The following RALYL variants were observed in gnomAD, a reference collection of about 807,000 sequenced individuals.
The protein encoded by RALYL is RNA-binding Raly-like protein.
In RALYL, 29 loss-of-function variants were observed where a neutral mutation model predicts 35.1. The observed-to-expected ratio is 0.83, with a 90% CI of 0.61 to 1.13. RALYL has a LOEUF of 1.13. RALYL is among the 50% of genes most tolerant of loss of function. The pLI, the probability that RALYL is intolerant of heterozygous loss-of-function variation, is 0.00. For missense variants in RALYL, 359 were observed against 360.4 expected (o/e 1.00, Z 0.03); for synonymous variants, 120 against 127.6 (o/e 0.94, Z 0.40).
chr8:84,902,425 A>C lies in RALYL; in HGVS notation c.858+14649A>C, dbSNP rs554970070. ...ATCCAATCATCTCCCACCAGATCCC[A>C]CCTCCATTACTGGGGATTACAATTC... On this transcript the variant is annotated intron_variant, in intron 8 of 8. Coordinates refer to ENST00000521268, the MANE Select transcript of RALYL (RefSeq NM_173848.7). Among the ~76,000 whole-genome samples the C allele has an allele frequency of 2.0e-5, 3 of 152,214 alleles. No homozygotes were observed. In the East Asian group the frequency reaches 5.8e-4, roughly 29 times the overall value.
At chr8:84,912,559 T>C (rs943802790) in intron 8 of RALYL, among the ~76,000 whole-genome samples, 1 of 152,198 alleles carries the variant, frequency 6.6e-6, no homozygotes, top group Admixed American at 6.6e-5. Context: ...CTTGCTGATA[T>C]TGTTAGCAGA....
upstream of RALYL, chr8:84,183,134 G>A (rs944079525): frequency 6.3e-6 from 1 of 159,690 alleles, no homozygotes; most frequent in Non-Finnish European, 1.4e-5. Context: ...AATCGCGGCA[G>A]CAGCGGCAGA....
chr8:84,798,672 T>TAA (rs1453065195), intron 3 of RALYL, among the ~76,000 whole-genome samples: 1 of 152,216 alleles, frequency 6.6e-6, no homozygotes, highest in African/African-American at 2.4e-5. Flanking sequence ...CAGATAATGG[T>TAA]AAGTAGTATC....
intron 8 of RALYL, among the ~76,000 whole-genome samples, chr8:84,920,684 G>A (rs1007090334): frequency 2.0e-5 from 3 of 151,798 alleles, no homozygotes; most frequent in South Asian, 4.2e-4. Flanking sequence ...AAAAAAAATC[G>A]TAACATTCCA....
At chr8:84,826,719 C>T (rs1194071856) in intron 4 of RALYL, among the ~76,000 whole-genome samples, 3 of 151,498 alleles carry the variant, frequency 2.0e-5, no homozygotes, top group Non-Finnish European at 2.9e-5. Flanking sequence ...CCCACATGTA[C>T]ATCTACACAC....
intron 1 of RALYL, among the ~76,000 whole-genome samples, chr8:84,400,484 G>A (rs999825933): frequency 2.6e-5 from 4 of 152,130 alleles, no homozygotes; most frequent in Non-Finnish European, 5.9e-5. Flanking sequence ...GTTCTGAAGA[G>A]GGCACATTAA....
intron 2 of RALYL, among the ~76,000 whole-genome samples, chr8:84,535,399 C>G (rs529294150): frequency 5.3e-5 from 8 of 150,696 alleles, no homozygotes; most frequent in African/African-American, 7.3e-5. Flanking sequence ...GTTTGTGGAG[C>G]CTGTCCTGTG....
chr8:84,654,899 C>T (rs1195337243), intron 2 of RALYL, among the ~76,000 whole-genome samples: 1 of 152,036 alleles, frequency 6.6e-6, no homozygotes, highest in Non-Finnish European at 1.5e-5. Context: ...CAAGAGAATA[C>T]AGCTATCTCT....
intron 1 of RALYL, among the ~76,000 whole-genome samples, chr8:84,263,217 T>C (rs1832644561): frequency 6.6e-6 from 1 of 152,214 alleles, no homozygotes; most frequent in African/African-American, 2.4e-5. Flanking sequence ...AAATGCTTTC[T>C]TTGATACTAA....
chr8:84,438,479 C>T (rs2047974408), intron 1 of RALYL, among the ~76,000 whole-genome samples: 1 of 152,156 alleles, frequency 6.6e-6, no homozygotes, highest in Non-Finnish European at 1.5e-5. Flanking sequence ...ACCTCCACCT[C>T]CTGGGCTCAA....
chr8:84,775,326 A>T (rs565700481), intron 3 of RALYL, among the ~76,000 whole-genome samples: 1 of 152,262 alleles, frequency 6.6e-6, no homozygotes, highest in South Asian at 2.1e-4. Context: ...TAATTTTCAC[A>T]AGACTCTTGC....
At chr8:84,212,009 A>G (rs1165428460) in intron 1 of RALYL, among the ~76,000 whole-genome samples, 1 of 152,204 alleles carries the variant, frequency 6.6e-6, no homozygotes, top group Non-Finnish European at 1.5e-5. Flanking sequence ...CCAAGGTCAC[A>G]GAACAGAAAA....
intron 1 of RALYL, among the ~76,000 whole-genome samples, chr8:84,442,161 C>T (rs984454420): frequency 6.6e-6 from 1 of 151,986 alleles, no homozygotes; most frequent in East Asian, 1.9e-4. Context: ...ATGTGGTTTT[C>T]CTTTTCTATC....
chr8:84,394,253 C>G (rs184955893), intron 1 of RALYL, among the ~76,000 whole-genome samples: 74 of 152,140 alleles, frequency 4.9e-4, no homozygotes, highest in African/African-American at 1.7e-3. Flanking sequence ...TTGTTCCATG[C>G]AAAAGGAATC....
chr8:84,364,896 A>G (rs1212966785), intron 1 of RALYL, among the ~76,000 whole-genome samples: 3 of 152,170 alleles, frequency 2.0e-5, no homozygotes, highest in Non-Finnish European at 4.4e-5. Context: ...TTTACCTTCA[A>G]TGAGGTATAG....
At chr8:84,547,946 T>C (rs1435041957) in intron 2 of RALYL, among the ~76,000 whole-genome samples, 1 of 152,190 alleles carries the variant, frequency 6.6e-6, no homozygotes, top group East Asian at 1.9e-4. Context: ...TTGTTGCTTT[T>C]ATCCTCAAAG....
chr8:84,444,663 G>A (rs896520817), intron 1 of RALYL, among the ~76,000 whole-genome samples: 2 of 152,090 alleles, frequency 1.3e-5, no homozygotes, highest in African/African-American at 4.8e-5. Context: ...AAACAAGGAG[G>A]CTATGGCTTA....
intron 1 of RALYL, among the ~76,000 whole-genome samples, chr8:84,528,358 GAA>G (rs1454984685): frequency 6.6e-6 from 1 of 152,090 alleles, no homozygotes; most frequent in Non-Finnish European, 1.5e-5. Context: ...AGGAAGGAAA[GAA>G]GGGAAGGAAG....
intron 2 of RALYL, among the ~76,000 whole-genome samples, chr8:84,662,847 A>C: frequency 6.6e-6 from 1 of 152,142 alleles, no homozygotes; most frequent in East Asian, 1.9e-4. Context: ...TGAACTTTTA[A>C]GTTCAGGGAT....
Sources: allele counts gnomAD v4.1 joint callset (sites outside exome capture counted in the v4.1 genomes callset), GRCh38; gene constraint gnomAD v4.1.1; transcripts MANE v1.5; gene names NCBI Gene and HGNC (gene_info 2026-07-23, HGNC 2026-07-21).